KMT2C: variants seen among roughly 807,000 people sequenced by gnomAD.
KMT2C encodes the protein histone-lysine N-methyltransferase 2C.
A neutral mutation model predicts 507.9 loss-of-function variants in KMT2C; 88 were observed. The ratio of observed to expected loss-of-function variants is 0.17; its 90% CI spans 0.15 to 0.21. The LOEUF is 0.21. KMT2C is among the 10% of genes least tolerant of loss of function. KMT2C has a pLI of 1.00. For synonymous variants in KMT2C, 2,049 were observed against 2,080.8 expected, an observed-to-expected ratio of 0.98 and a Z score of 0.42; for missense variants, 4,954 against 5,957.8, an observed-to-expected ratio of 0.83 and a Z score of 5.55.
intron 9 of KMT2C, among the ~76,000 whole-genome samples, chr7:152,259,444 GCGCACACACA>G (rs1311458170): frequency 2.3e-5 from 2 of 85,438 alleles, no homozygotes; most frequent in African/African-American, 1.1e-4. Flanking sequence ...ACACACACAC[GCGCACACACA>G]CACACACACA....
At chr7:152,427,158 G>A (rs2097826999) in intron 1 of KMT2C, among the ~76,000 whole-genome samples, 1 of 152,082 alleles carries the variant, frequency 6.6e-6, no homozygotes, top group Non-Finnish European at 1.5e-5. Flanking sequence ...TGGGATTACA[G>A]GCGCCTGCCA....
intron 39 of KMT2C, among the ~76,000 whole-genome samples, chr7:152,173,005 T>C (rs1203156564): frequency 6.6e-6 from 1 of 152,172 alleles, no homozygotes; most frequent in Non-Finnish European, 1.5e-5. Context: ...ATATAAAACA[T>C]TCTGAGAATT....
At chr7:152,158,019 G>A in intron 44 of KMT2C, 1 of 856,536 alleles carries the variant, frequency 1.2e-6, no homozygotes, top group Admixed American at 3.6e-5. Context: ...GTTGAATAAG[G>A]CTTCAGAAAA....
intron 2 of KMT2C, among the ~76,000 whole-genome samples, chr7:152,344,346 T>C (rs1424229352): frequency 6.6e-6 from 1 of 152,210 alleles, no homozygotes. Flanking sequence ...GCAGGTAGCA[T>C]ATACAGTATG....
Position 152,180,734 on chromosome 7 carries a change from C to T in KMT2C, c.7126G>A (p.Ala2376Thr), listed in dbSNP as rs1430160190. 1 of 1,613,126 alleles carries T rather than the reference C, an allele frequency of 6.2e-7. No individual in the cohort carries two copies. Among genetic ancestry groups the T allele is most frequent in the Non-Finnish European group, 8.5e-7 (1 of 1,179,580 alleles). ...DTQNTVNMAQ[A>T]DTEKLRQRQK... Reference sequence around the variant, plus strand: ...ACCTGTCTCAATTTCTCTGTATCTGCTTGGGCCATATTTACAGTATTCTGT... The same window carrying T: ...ACCTGTCTCAATTTCTCTGTATCTGTTTGGGCCATATTTACAGTATTCTGT... Residue 2376 changes from alanine to threonine, a missense_variant, in exon 36 of 59, where the codon GCA (alanine) becomes ACA (threonine). Physicochemically the swap from Ala to Thr is moderately conservative, Grantham distance 58. Around this residue, in one of 29 missense-constraint regions of KMT2C, gnomAD observed 1,689 missense variants for 1,654.3 expected, o/e 1.02. Coordinates refer to ENST00000262189, the MANE Select transcript of KMT2C (RefSeq NM_170606.3).
At chr7:152,334,973 C>T (rs779925815) in intron 2 of KMT2C, among the ~76,000 whole-genome samples, 1 of 152,064 alleles carries the variant, frequency 6.6e-6, no homozygotes, top group Non-Finnish European at 1.5e-5. Flanking sequence ...GAAGAATTGC[C>T]GTAACAAAAT....
At chr7:152,356,547 G>C (rs932323196) in intron 2 of KMT2C, among the ~76,000 whole-genome samples, 1 of 151,818 alleles carries the variant, frequency 6.6e-6, no homozygotes, top group Non-Finnish European at 1.5e-5. Flanking sequence ...CTGCACTCCA[G>C]CCTGGGGAAC....
intron 43 of KMT2C, among the ~76,000 whole-genome samples, chr7:152,160,410 A>G (rs2092376363): frequency 6.6e-6 from 1 of 151,946 alleles, no homozygotes. Flanking sequence ...TGCTCCTCAC[A>G]CTTTAGCTTT....
chr7:152,177,794 T>G lies in KMT2C; in HGVS notation c.7659A>C (p.Ile2553=), dbSNP rs771211975. 1 of 1,613,826 alleles carries G rather than the reference T, an allele frequency of 6.2e-7. No individual in the cohort carries two copies. Among genetic ancestry groups the G allele is most frequent in the Non-Finnish European group, 8.5e-7 (1 of 1,179,954 alleles). ...PQSLPVQQHN[I]LGQAYIELRH... is the part of the protein sequence containing the mutation. The stretch of plus-strand genomic sequence containing the variant: ...TCAGTTCAATATATGCTTGGCCCAG[T>G]ATGTTGTGCTGCTGAACTGGCAAGC... The change falls in exon 38 of 59, where the codon ATA becomes ATC. Residue 2553 remains isoleucine, a synonymous_variant. Coordinates refer to ENST00000262189, the MANE Select transcript of KMT2C (RefSeq NM_170606.3).
intron 42 of KMT2C, among the ~76,000 whole-genome samples, chr7:152,164,047 T>A (rs1490297907): frequency 6.6e-6 from 1 of 152,186 alleles, no homozygotes; most frequent in African/African-American, 2.4e-5. Flanking sequence ...TATAAAGTTA[T>A]CTGTAAAAGT....
At chr7:152,384,546 TAACACC>T (rs2097403135) in intron 1 of KMT2C, among the ~76,000 whole-genome samples, 30 of 17,098 alleles carry the variant, frequency 1.8e-3, no homozygotes, top group Non-Finnish European at 3.5e-3. Flanking sequence ...CCCATGTGCA[TAACACC>T]ACCACCACCA....
chr7:152,388,077 GGA>G (rs2097448633), intron 1 of KMT2C, among the ~76,000 whole-genome samples: 1 of 147,398 alleles, frequency 6.8e-6, no homozygotes. Flanking sequence ...TAGGCTGGGG[GGA>G]AAAAATGTAA....
At position 152,408,727 on chromosome 7, in the gene KMT2C, G is replaced by T. The variant is rs371338565; in HGVS notation, c.161+26899C>A. On this transcript the variant is annotated intron_variant, in intron 1 of 58. Transcript: ENST00000262189. Reference sequence around the variant, plus strand: ...AACCATCCACTCCGTGCTCCCCCTGGGGTCTGTGGAAAAAACTCTCTTCCA... The same window carrying T: ...AACCATCCACTCCGTGCTCCCCCTGTGGTCTGTGGAAAAAACTCTCTTCCA... Among the ~76,000 whole-genome samples, 71 of 151,756 alleles carry T rather than the reference G, an allele frequency of 4.7e-4. 1 individual carries two copies. The highest frequency in any genetic ancestry group is 1.9e-3 in the Admixed American group (29 of 15,224).
intron 6 of KMT2C, among the ~76,000 whole-genome samples, chr7:152,287,355 G>A (rs987875502): frequency 6.6e-6 from 1 of 152,198 alleles, no homozygotes; most frequent in Non-Finnish European, 1.5e-5. Context: ...AAGGTGTAAT[G>A]CAAGTCCAGA....
chr7:152,170,915 A>G (rs1587892311), intron 40 of KMT2C, among the ~76,000 whole-genome samples: 1 of 152,224 alleles, frequency 6.6e-6, no homozygotes. Flanking sequence ...AATAAAACCA[A>G]AAGTCCTGAG....
At chr7:152,232,488 T>C (rs1332378667) in intron 16 of KMT2C, among the ~76,000 whole-genome samples, 3 of 152,194 alleles carry the variant, frequency 2.0e-5, no homozygotes, top group Admixed American at 1.3e-4. Context: ...TATGGGCATA[T>C]ATAATAGGTT....
chr7:152,280,232 C>A (rs1382608629), intron 6 of KMT2C, among the ~76,000 whole-genome samples: 3 of 152,160 alleles, frequency 2.0e-5, no homozygotes, highest in Admixed American at 2.0e-4. Flanking sequence ...GTGACCCAAG[C>A]CAATAGGCAG....
chr7:152,353,704 G>T (rs1488244298), intron 2 of KMT2C, among the ~76,000 whole-genome samples: 2 of 151,942 alleles, frequency 1.3e-5, no homozygotes, highest in South Asian at 2.1e-4. Flanking sequence ...TTGCCATGTT[G>T]CCCAGGCTGG....
Position 152,136,042 on chromosome 7 carries a change from T to C in KMT2C, c.*790A>G, listed in dbSNP as rs1356461500. ...ATTTGGTCAATAACTATTTTTATAC[T>C]GTATTTTTTCTCAAAATATTTACAT... On this transcript the variant is annotated 3_prime_UTR_variant, in exon 59 of 59. Transcript: ENST00000262189. The C allele has an allele frequency of 9.0e-6, 2 of 222,096 alleles. No individual in the cohort carries two copies. The highest frequency in any genetic ancestry group is 1.8e-5 in the Non-Finnish European group (2 of 110,876). 13.8% of individuals were successfully genotyped at this position (222,096 alleles called of 1,614,324 possible).
Sources: allele counts gnomAD v4.1 joint callset (sites outside exome capture counted in the v4.1 genomes callset), GRCh38; gene constraint gnomAD v4.1.1; regional missense constraint gnomAD v4.1.1; transcripts MANE v1.5; gene names NCBI Gene and HGNC (gene_info 2026-07-23, HGNC 2026-07-21).